Variants in MGAT4A observed in about 807,000 individuals in gnomAD.
MGAT4A encodes the protein alpha-1,3-mannosyl-glycoprotein 4-beta-N-acetylglucosaminyltransferase A.
A neutral mutation model predicts 74.1 loss-of-function variants in MGAT4A; 33 were observed. The observed-to-expected ratio is 0.45, with a 90% confidence interval of 0.34 to 0.60. The LOEUF (loss-of-function observed/expected upper bound fraction) is 0.60. Among genes scored for constraint, MGAT4A ranks in the 20% least tolerant of loss-of-function variants. The pLI, the probability that MGAT4A is intolerant of heterozygous loss-of-function variation, is 0.02. For missense variants in MGAT4A, 479 were observed against 628.3 expected, an observed-to-expected ratio of 0.76 and a Z score of 2.54; for synonymous variants, 198 against 210.4, an observed-to-expected ratio of 0.94 and a Z score of 0.51.
At chr2:98,672,743 C>A (rs1411039639) in intron 4 of MGAT4A, among the ~76,000 whole-genome samples, 1 of 152,164 alleles carries the variant, frequency 6.6e-6, no homozygotes, top group Non-Finnish European at 1.5e-5. Context: ...CTAATTTGAT[C>A]TTTAGCTATG....
intron 4 of MGAT4A, among the ~76,000 whole-genome samples, chr2:98,670,505 A>G (rs1455577165): frequency 6.6e-6 from 1 of 152,178 alleles, no homozygotes; most frequent in Non-Finnish European, 1.5e-5. Context: ...CCTTTAAAGT[A>G]AAAAAAGAAT....
chr2:98,627,952 G>C (rs1267231011), intron 14 of MGAT4A, among the ~76,000 whole-genome samples: 3 of 152,140 alleles, frequency 2.0e-5, no homozygotes, highest in African/African-American at 7.2e-5. Context: ...TTTCTGCAAA[G>C]TACCTGGCTG....
intron 3 of MGAT4A, among the ~76,000 whole-genome samples, chr2:98,676,620 G>A (rs577520493): frequency 2.6e-5 from 4 of 152,058 alleles, no homozygotes; most frequent in African/African-American, 9.6e-5. Flanking sequence ...AACTAGGGGG[G>A]AAAAACAACC....
rs532841803 is a variant in MGAT4A, at chr2:98,705,710, G to A, written c.94+20529C>T. ...TGTAATCCCAGCACTTTGGGAGGCC[G>A]AGGCAGGTGGATCATGAGGTCAGGA... On this transcript the variant is annotated intron_variant, in intron 2 of 15. Transcript: ENST00000393487. 4.6e-5 allele frequency among the ~76,000 whole-genome samples: 7 copies of A among 151,758 alleles called. No individual in the cohort carries two copies. The East Asian group carries it at 5.8e-4, about 13-fold the overall frequency.
chr2:98,688,896 AATAG>A (rs373397986), intron 2 of MGAT4A, among the ~76,000 whole-genome samples: 17 of 152,342 alleles, frequency 1.1e-4, no homozygotes, highest in African/African-American at 3.4e-4. Context: ...ATTATGCATA[AATAG>A]ATAAATAATA....
rs10205878 is a variant in MGAT4A, at chr2:98,638,100, C to T, written c.1323-1505G>A. Among the ~76,000 whole-genome samples, 935 of 152,120 alleles carry T rather than the reference C, an allele frequency of 6.1e-3. 9 individuals carry two copies. The highest frequency in any genetic ancestry group is 0.021 in the South Asian group (100 of 4,826). The stretch of plus-strand genomic sequence containing the variant: ...TCTATACTTTCTCAAAAGTCAAAGA[C>T]TAAGAAAAAGAAATTGATTGTTGAG... On this transcript the variant is annotated intron_variant, in intron 12 of 15. Transcript: ENST00000393487.
At chr2:98,655,641 C>T (rs1262047900) in intron 7 of MGAT4A, 121 bp from the exon 8 acceptor site, 2 of 580,948 alleles carry the variant, frequency 3.4e-6, no homozygotes, top group African/African-American at 1.9e-5. Flanking sequence ...TGTACACACA[C>T]ACACATACAC....
intron 2 of MGAT4A, among the ~76,000 whole-genome samples, chr2:98,682,791 A>G (rs1559168151): frequency 6.6e-6 from 1 of 152,194 alleles, no homozygotes; most frequent in Non-Finnish European, 1.5e-5. Flanking sequence ...GGGATTATGT[A>G]TAAAACAAAT....
chr2:98,625,875 T>A, intron 14 of MGAT4A, 40 bp from the exon 15 acceptor site: 1 of 1,412,634 alleles, frequency 7.1e-7, no homozygotes, highest in Non-Finnish European at 9.9e-7. Context: ...TACACCGAGA[T>A]AAGCAAACAT....
chr2:98,630,203 C>A (rs1232810781), intron 14 of MGAT4A, among the ~76,000 whole-genome samples: 1 of 152,186 alleles, frequency 6.6e-6, no homozygotes, highest in Non-Finnish European at 1.5e-5. Flanking sequence ...TGTACACAAA[C>A]TTTATGACCA....
At position 98,663,193 on chromosome 2, in the gene MGAT4A, T is replaced by A. The variant is rs759110937; in HGVS notation, c.404-14A>T. 9.0e-6 allele frequency: 14 copies of A among 1,559,436 alleles called. No individual in the cohort carries two copies. In the South Asian group the frequency reaches 1.5e-4, roughly 16 times the overall value. On this transcript the variant is annotated splice_polypyrimidine_tract_variant and intron_variant, in intron 4 of 15. Coordinates refer to ENST00000393487, the MANE Select transcript of MGAT4A (RefSeq NM_012214.3). ...TGACTATTGAAACTGGAAAAAAAAA[T>A]AGTAATTATATTAAAAAACTGTACA...
chr2:98,625,510 T>A lies in MGAT4A; in HGVS notation c.*56A>T. 6.3e-7 allele frequency: 1 copy of A among 1,598,762 alleles called. No individual in the cohort carries two copies. Among genetic ancestry groups the A allele is most frequent in the Non-Finnish European group, 8.5e-7 (1 of 1,175,430 alleles). ...GTAGAAATAAAAAAAAGATACATGCTTAACTATCTTTAATTAACAAATTCA... is the reference window on the plus strand; with the variant it reads ...GTAGAAATAAAAAAAAGATACATGCATAACTATCTTTAATTAACAAATTCA... On this transcript the variant is annotated 3_prime_UTR_variant, in exon 16 of 16. Coordinates refer to ENST00000393487, the MANE Select transcript of MGAT4A (RefSeq NM_012214.3).
Position 98,678,333 on chromosome 2 carries a change from C to A in MGAT4A, c.233G>T (p.Gly78Val). The change falls in exon 3 of 16, where the codon GGA (glycine) becomes GTA (valine). Residue 78 changes from glycine to valine, a missense_variant. Physicochemically the swap from Gly to Val is moderately radical, Grantham distance 109. This residue lies in a region of MGAT4A where 205 missense variants were observed against 232.7 expected (regional missense o/e 0.88). Transcript: ENST00000393487. Reference protein sequence around the residue: ...QFKRVGAETNGSKDALNKFSD... With the variant: ...QFKRVGAETNVSKDALNKFSD... The stretch of plus-strand genomic sequence containing the variant: ...AAACTTATTCAACGCATCCTTACTT[C>A]CATTTGTTTCTGCTCCTACACGCTT... 1 of 1,439,546 alleles carries A rather than the reference C, an allele frequency of 6.9e-7. No individual in the cohort carries two copies. 89.2% of individuals were successfully genotyped at this position (1,439,546 alleles called of 1,614,324 possible).
At chr2:98,715,369 T>G (rs926741620) in intron 2 of MGAT4A, among the ~76,000 whole-genome samples, 1 of 150,284 alleles carries the variant, frequency 6.7e-6, no homozygotes, top group Non-Finnish European at 1.5e-5. Context: ...ATCTCTTCCT[T>G]ACAGTGGAAT....
Position 98,635,204 on chromosome 2 carries a change from T to C in MGAT4A, c.1468+18A>G. The C allele has an allele frequency of 2.5e-6, 4 of 1,573,204 alleles. No homozygotes were observed. Among genetic ancestry groups the C allele is most frequent in the Admixed American group, 1.9e-5 (1 of 52,788 alleles). On this transcript the variant is annotated intron_variant, in intron 14 of 15. Transcript: ENST00000393487. The stretch of plus-strand genomic sequence containing the variant: ...AAGTCCAGAAAAATAAAGGCCATTT[T>C]ACTAAAGTAGATATTACCTATTCTG...
intron 2 of MGAT4A, among the ~76,000 whole-genome samples, chr2:98,693,180 A>G (rs1011588506): frequency 2.8e-4 from 42 of 152,324 alleles, no homozygotes; most frequent in African/African-American, 1.0e-3. Context: ...AAGAAAAAGA[A>G]CTGTCAATCT....
At chr2:98,727,950 T>C (rs1702789614) in intron 1 of MGAT4A, among the ~76,000 whole-genome samples, 1 of 152,200 alleles carries the variant, frequency 6.6e-6, no homozygotes, top group Non-Finnish European at 1.5e-5. Flanking sequence ...AGAACTCGAA[T>C]TTGTTTGTCT....
At position 98,678,328 on chromosome 2, in the gene MGAT4A, T is replaced by C. The variant is rs943587153; in HGVS notation, c.238A>G (p.Lys80Glu). ...CCTGAAAACTTATTCAACGCATCCTTACTTCCATTTGTTTCTGCTCCTACA... is the reference window on the plus strand; with the variant it reads ...CCTGAAAACTTATTCAACGCATCCTCACTTCCATTTGTTTCTGCTCCTACA... Reference protein sequence around the residue: ...KRVGAETNGSKDALNKFSDNT... With the variant: ...KRVGAETNGSEDALNKFSDNT... Residue 80 changes from lysine (K) to glutamate (E), a missense_variant, in exon 3 of 16, where the codon AAG becomes GAG. Coordinates refer to ENST00000393487, the MANE Select transcript of MGAT4A (RefSeq NM_012214.3). The C allele has an allele frequency of 1.0e-5, 15 of 1,435,372 alleles. No individual in the cohort carries two copies. Among genetic ancestry groups the C allele is most frequent in the African/African-American group, 1.4e-5 (1 of 70,978 alleles). 88.9% of individuals were successfully genotyped at this position (1,435,372 alleles called of 1,614,324 possible). A position where few individuals can be genotyped will look rare whatever the true frequency, so the allele number is the denominator to read the frequency against.
At chr2:98,703,505 T>C in intron 2 of MGAT4A, among the ~76,000 whole-genome samples, 1 of 152,086 alleles carries the variant, frequency 6.6e-6, no homozygotes, top group East Asian at 1.9e-4. Context: ...TTCTACAAAC[T>C]AGGAACAGAG....
Sources: gnomAD v4.1 joint callset for allele counts (sites outside exome capture counted in the v4.1 genomes callset) on GRCh38, gnomAD v4.1.1 for gene constraint, gnomAD v4.1.1 regional missense constraint, MANE v1.5 for transcripts, NCBI Gene and HGNC (gene_info 2026-07-23, HGNC 2026-07-21) for gene names.